Variants in SDE2 observed in about 807,000 individuals in gnomAD.
SDE2 encodes spliceosome associated SDE2.
In SDE2, 31 loss-of-function variants were observed where a neutral mutation model predicts 46.9. The observed-to-expected ratio is 0.66, with a 90% CI of 0.50 to 0.89. The LOEUF is 0.89. Among genes scored for constraint, SDE2 ranks in the 40% least tolerant of loss-of-function variants. The probability of loss-of-function intolerance (pLI) is 0.00; values close to 1 mark genes in which losing one functional copy is unlikely to be tolerated. For synonymous variants in SDE2, 205 were observed against 204.3 expected (o/e 1.00, Z -0.03); for missense variants, 542 against 564.4 (o/e 0.96, Z 0.40).
chr1:225,999,256 C>T lies in SDE2; in HGVS notation c.57G>A (p.Ala19=), dbSNP rs750368230. 6 of 1,613,348 alleles carry T rather than the reference C, an allele frequency of 3.7e-6. No individual in the cohort carries two copies. In the South Asian group the frequency reaches 5.5e-5, roughly 15 times the overall value. ...TGCACCGACCCGAGGCACACCGCACCGCCTTGCACCCGAAGCCAGGGCCGC... is the reference window on the plus strand; with the variant it reads ...TGCACCGACCCGAGGCACACCGCACTGCCTTGCACCCGAAGCCAGGGCCGC... ...WIRGPGFGCK[A]VRCASGRCTV... Residue 19 remains alanine, a synonymous_variant, in exon 1 of 7, where the codon GCG becomes GCA. Coordinates refer to ENST00000272091, the MANE Select transcript of SDE2 (RefSeq NM_152608.4).
At chr1:225,990,001 G>C (rs1656362383) in intron 5 of SDE2, among the ~76,000 whole-genome samples, 1 of 151,634 alleles carries the variant, frequency 6.6e-6, no homozygotes, top group African/African-American at 2.4e-5. Flanking sequence ...CTTAAACCTG[G>C]GAGGTCAAGG....
At chr1:225,993,484 C>T (rs1410248512) in intron 2 of SDE2, among the ~76,000 whole-genome samples, 3 of 151,942 alleles carry the variant, frequency 2.0e-5, no homozygotes, top group East Asian at 1.9e-4. Flanking sequence ...TGGTGGCGGG[C>T]GCCTGTAGTC....
At chr1:225,997,825 G>T (rs1656563760) in intron 1 of SDE2, among the ~76,000 whole-genome samples, 2 of 152,158 alleles carry the variant, frequency 1.3e-5, no homozygotes, top group African/African-American at 2.4e-5. Flanking sequence ...TCAATTGTCA[G>T]CAAGTTTGAA....
intron 5 of SDE2, among the ~76,000 whole-genome samples, chr1:225,988,983 G>A (rs1000514442): frequency 4.6e-5 from 7 of 152,004 alleles, no homozygotes; most frequent in African/African-American, 1.4e-4. Flanking sequence ...CATTACCTTC[G>A]ACGGTTGGAA....
At chr1:225,992,352 G>A (rs1375600012) in intron 4 of SDE2, 46 bp downstream of exon 4, 1 of 1,488,196 alleles carries the variant, frequency 6.7e-7, no homozygotes, top group Admixed American at 1.7e-5. Flanking sequence ...TGAACAGCTG[G>A]CTTCAGGGGT....
chr1:225,992,843 A>C, intron 3 of SDE2, 48 bp downstream of exon 3: 1 of 1,055,114 alleles, frequency 9.5e-7, no homozygotes. Flanking sequence ...TACTAATAGG[A>C]AAGTATATGT....
At chr1:225,993,489 G>T (rs1656450190) in intron 2 of SDE2, among the ~76,000 whole-genome samples, 2 of 152,076 alleles carry the variant, frequency 1.3e-5, no homozygotes, top group South Asian at 2.1e-4. Flanking sequence ...GCGGGCGCCT[G>T]TAGTCCCAGC....
At position 225,991,244 on chromosome 1, in the gene SDE2, A is replaced by G; in HGVS notation, c.640T>C (p.Trp214Arg). 1 of 1,613,142 alleles carries G rather than the reference A, an allele frequency of 6.2e-7. No homozygotes were observed. The highest frequency in any genetic ancestry group is 1.1e-5 in the South Asian group (1 of 90,986). The change falls in exon 5 of 7, where the codon TGG becomes CGG. Residue 214 changes from tryptophan to arginine, a missense_variant and splice_region_variant. Physicochemically the swap from Trp to Arg is moderately radical, Grantham distance 101. Coordinates refer to ENST00000272091, the MANE Select transcript of SDE2 (RefSeq NM_152608.4). ...TGGGAACGAAAGTGAAACACTTACC[A>G]GAAGCATCTCCTCTTTCCCGCACTG... ...GASAGKRRCF[W>R]LGMEGLETAE...
Position 225,999,302 on chromosome 1 carries a change from G to A in SDE2, c.11C>T (p.Ala4Val). The change falls in exon 1 of 7, where the codon GCC becomes GTC. Residue 4 changes from alanine to valine, a missense_variant. This residue lies in a region of SDE2 where 135 missense variants were observed against 106.5 expected (regional missense o/e 1.27). Coordinates refer to ENST00000272091, the MANE Select transcript of SDE2 (RefSeq NM_152608.4). MAE[A>V]AALVWIRGPG... ...GCCGCGAATCCACACCAGCGCCGCG[G>A]CCTCCGCCATGTCACCGACTACCCG... is the stretch of plus-strand genomic sequence containing the variant. 1.9e-6 allele frequency: 3 copies of A among 1,610,862 alleles called. No homozygotes were observed. The highest frequency in any genetic ancestry group is 2.5e-6 in the Non-Finnish European group (3 of 1,178,806).
chr1:225,985,504 A>G lies in SDE2; in HGVS notation c.1154T>C (p.Ile385Thr). 1.2e-6 allele frequency: 2 copies of G among 1,612,086 alleles called. No individual in the cohort carries two copies. Among genetic ancestry groups the G allele is most frequent in the South Asian group, 1.1e-5 (1 of 91,044 alleles). The change falls in exon 7 of 7, where the codon ATA becomes ACA. Residue 385 changes from isoleucine (I) to threonine (T), a missense_variant. Physicochemically the swap from Ile to Thr is moderately conservative, Grantham distance 89. Around this residue, in one of 3 missense-constraint regions of SDE2, gnomAD observed 401 missense variants for 437.8 expected, o/e 0.92. Transcript: ENST00000272091. ...PGNAVIDKETIDLLAFTSVAE... is the reference protein window; with the variant it reads ...PGNAVIDKETTDLLAFTSVAE... ...AACAGAGGTGAACGCCAATAAATCT[A>G]TAGTTTCCTTATCAATAACCTGAGG...
At chr1:225,995,448 G>T (rs1210573649) in intron 1 of SDE2, 65 bp from the exon 2 acceptor site, 1 of 812,228 alleles carries the variant, frequency 1.2e-6, no homozygotes, top group Non-Finnish European at 2.1e-6. Flanking sequence ...TTACAAGAAG[G>T]GACCTAGCTG....
intron 1 of SDE2, 97 bp downstream of exon 1, chr1:225,999,096 G>A (rs1387145061): frequency 3.1e-6 from 3 of 969,278 alleles, no homozygotes; most frequent in East Asian, 5.1e-5. Context: ...AAACCCCAGA[G>A]AATAAACGTA....
At chr1:225,987,213 TTTG>T (rs958816696) in intron 6 of SDE2, among the ~76,000 whole-genome samples, 6 of 151,972 alleles carry the variant, frequency 3.9e-5, no homozygotes, top group South Asian at 4.2e-4. Context: ...CCGGCTAATT[TTTG>T]TTGTTGTTGT....
chr1:225,989,300 AAAAAAAAAAT>A (rs950905816), intron 5 of SDE2, among the ~76,000 whole-genome samples: 11 of 144,356 alleles, frequency 7.6e-5, no homozygotes, highest in Non-Finnish European at 1.7e-4. Context: ...TCTCAAAAAA[AAAAAAAAAAT>A]AATAATAATA....
intron 4 of SDE2, 47 bp downstream of exon 4, chr1:225,992,351 G>A (rs955546870): frequency 6.8e-6 from 10 of 1,478,444 alleles, no homozygotes; most frequent in Middle Eastern, 1.7e-4. Flanking sequence ...CTGAACAGCT[G>A]GCTTCAGGGG....
rs1490815817 is a variant in SDE2, at chr1:225,983,202, AAG to A, written c.*2098_*2099del. 1 of 152,238 alleles carries A rather than the reference AAG, an allele frequency of 6.6e-6. No homozygotes were observed. Among genetic ancestry groups the A allele is most frequent in the Non-Finnish European group, 1.5e-5 (1 of 68,042 alleles). 9.4% of individuals were successfully genotyped at this position (152,238 alleles called of 1,614,324 possible). On this transcript the variant is annotated 3_prime_UTR_variant, in exon 7 of 7. Coordinates refer to ENST00000272091, the MANE Select transcript of SDE2 (RefSeq NM_152608.4). ...CAGAAGCACAAAGTAAATTAATAGA[AAG>A]AGGTATACTGTGCAAACACTAAGCT...
At chr1:225,992,040 G>A (rs1209717933) in intron 4 of SDE2, among the ~76,000 whole-genome samples, 5 of 152,214 alleles carry the variant, frequency 3.3e-5, no homozygotes, top group Middle Eastern at 3.4e-3. Context: ...TTAGCCAGGC[G>A]TGGTGGCGTG....
rs752696292 is a variant in SDE2 at position 225,992,419 on chromosome 1, G to T, written c.499C>A (p.Leu167Met). The change falls in exon 4 of 7, where the codon CTG (leucine) becomes ATG (methionine). Residue 167 changes from leucine (L) to methionine (M), a missense_variant. Leu to Met is a conservative substitution (Grantham distance 15). This residue lies in a region of SDE2 where 401 missense variants were observed against 437.8 expected (regional missense o/e 0.92). Transcript: ENST00000272091. ...TCACCTTTGAGGACGGAATCCTCCA[G>T]ACGCTCAGCCATCTCATGGCACTGC... ...QQQCHEMAER[L>M]EDSVLKGMQA... The T allele has an allele frequency of 6.2e-7, 1 of 1,613,546 alleles. No homozygotes were observed.
At chr1:225,991,090 A>G (rs1267311716) in intron 5 of SDE2, among the ~76,000 whole-genome samples, 153 bp downstream of exon 5, 1 of 152,236 alleles carries the variant, frequency 6.6e-6, no homozygotes, top group African/African-American at 2.4e-5. Context: ...GTACAATGTG[A>G]CAATCACTGA....
Sources: gnomAD v4.1 joint callset for allele counts (sites outside exome capture counted in the v4.1 genomes callset) on GRCh38, gnomAD v4.1.1 for gene constraint, gnomAD v4.1.1 regional missense constraint, MANE v1.5 for transcripts, NCBI Gene and HGNC (gene_info 2026-07-23, HGNC 2026-07-21) for gene names.